EYS: variants seen among roughly 807,000 people sequenced by gnomAD.
EYS encodes protein eyes shut homolog.
Under a neutral mutation model 282.1 loss-of-function variants are expected in EYS, and 250 were observed. That is an observed-to-expected ratio of 0.89 (90% confidence interval 0.80 to 0.98). The LOEUF is 0.98. EYS is among the 50% of genes least tolerant of loss of function. The pLI, the probability that EYS is intolerant of heterozygous loss-of-function variation, is 0.00. For synonymous variants in EYS, 1,355 were observed against 1,282.9 expected (o/e 1.06, Z -1.20); for missense variants, 4,016 against 3,709.0 (o/e 1.08, Z -2.15).
intron 19 of EYS, among the ~76,000 whole-genome samples, chr6:64,841,841 C>T (rs1034216743): frequency 1.3e-5 from 2 of 152,058 alleles, no homozygotes; most frequent in Non-Finnish European, 2.9e-5. Flanking sequence ...TAATCATTCG[C>T]CAACACATCA....
intron 31 of EYS, among the ~76,000 whole-genome samples, chr6:64,131,699 A>C (rs1015465094): frequency 6.6e-6 from 1 of 152,184 alleles, no homozygotes; most frequent in Admixed American, 6.5e-5. Context: ...GTAAAGAAGT[A>C]GTCGCTTACA....
intron 12 of EYS, among the ~76,000 whole-genome samples, chr6:65,095,735 A>G (rs2150180560): frequency 6.6e-6 from 1 of 150,848 alleles, no homozygotes; most frequent in South Asian, 2.1e-4. Context: ...AAAGCATTTG[A>G]CTAAATTCAG....
intron 35 of EYS, among the ~76,000 whole-genome samples, chr6:63,935,144 T>C (rs1348181921): frequency 3.3e-5 from 5 of 152,180 alleles, no homozygotes; most frequent in Admixed American, 3.3e-4. Flanking sequence ...TTTTGAGTAG[T>C]TTTTCTGGCT....
intron 31 of EYS, among the ~76,000 whole-genome samples, chr6:64,138,793 G>A (rs1281897371): frequency 2.0e-5 from 3 of 152,188 alleles, no homozygotes; most frequent in African/African-American, 7.2e-5. Flanking sequence ...GAGGTTGACT[G>A]CTTCAAGTTA....
At chr6:65,160,904 T>A (rs1581968132) in intron 12 of EYS, among the ~76,000 whole-genome samples, 1 of 138,780 alleles carries the variant, frequency 7.2e-6, no homozygotes, top group South Asian at 2.2e-4. Context: ...TTTACTGACA[T>A]CTGAGGCCTC....
At chr6:64,821,587 G>T (rs1450127408) in intron 21 of EYS, 58 bp downstream of exon 21, 4 of 900,076 alleles carry the variant, frequency 4.4e-6, no homozygotes, top group South Asian at 3.3e-5. Context: ...CAAGCAATTT[G>T]ATTTTTCTTT....
intron 32 of EYS, among the ~76,000 whole-genome samples, chr6:64,073,288 TA>T (rs1771655486): frequency 1.3e-5 from 2 of 151,792 alleles, no homozygotes; most frequent in South Asian, 4.1e-4. Context: ...CATATGATGG[TA>T]GGTGGGAAAG....
chr6:65,148,288 G>C (rs574102998), intron 12 of EYS, among the ~76,000 whole-genome samples: 1 of 152,098 alleles, frequency 6.6e-6, no homozygotes, highest in African/African-American at 2.4e-5. Flanking sequence ...TGGTACAATG[G>C]GGGTACAGGC....
chr6:64,432,838 T>A (rs988636547), intron 28 of EYS, among the ~76,000 whole-genome samples: 5 of 152,072 alleles, frequency 3.3e-5, no homozygotes, highest in Admixed American at 6.6e-5. Context: ...TTCTGCCTTC[T>A]AACTTTACTG....
intron 1 of EYS, among the ~76,000 whole-genome samples, chr6:65,643,769 A>G (rs9363410): frequency 0.4 from 60,630 of 151,864 alleles, 14,596 homozygotes; most frequent in Non-Finnish European, 0.53. Context: ...CTCCAGTACC[A>G]GCCCAGAGCT....
At chr6:63,785,321 C>T (rs563653240) in intron 39 of EYS, among the ~76,000 whole-genome samples, 34 of 152,272 alleles carry the variant, frequency 2.2e-4, no homozygotes, top group Admixed American at 7.8e-4. Context: ...TCACTTGTGG[C>T]CTAACCAGTT....
chr6:65,112,594 T>C (rs1775243692), intron 12 of EYS, among the ~76,000 whole-genome samples: 1 of 152,196 alleles, frequency 6.6e-6, no homozygotes, highest in Non-Finnish European at 1.5e-5. Context: ...TGTGAATTCC[T>C]GTATGCTTAC....
At chr6:65,597,424 C>T (rs888103902) in intron 2 of EYS, among the ~76,000 whole-genome samples, 4 of 152,114 alleles carry the variant, frequency 2.6e-5, no homozygotes, top group Admixed American at 1.3e-4. Context: ...CCTTTAGCCA[C>T]TCCCAGTGTA....
chr6:64,845,460 T>C (rs868559869), intron 19 of EYS, among the ~76,000 whole-genome samples: 7 of 152,124 alleles, frequency 4.6e-5, no homozygotes, highest in Admixed American at 2.0e-4. Flanking sequence ...AATCCTATCA[T>C]TGATAGCACA....
chr6:64,095,090 C>T (rs929997310), intron 31 of EYS, among the ~76,000 whole-genome samples: 4 of 152,078 alleles, frequency 2.6e-5, no homozygotes, highest in African/African-American at 9.7e-5. Context: ...ATCCTGAGTT[C>T]TAGTTTGATT....
chr6:65,109,067 A>G (rs1214583922), intron 12 of EYS, among the ~76,000 whole-genome samples: 1 of 151,664 alleles, frequency 6.6e-6, no homozygotes, highest in African/African-American at 2.4e-5. Flanking sequence ...GAGATTTCCT[A>G]TTACTCTGCT....
intron 2 of EYS, among the ~76,000 whole-genome samples, chr6:65,556,392 T>TGTGTGA (rs1768802547): frequency 7.4e-6 from 1 of 135,596 alleles, no homozygotes; most frequent in African/African-American, 3.6e-5. Flanking sequence ...TGGGTTTGTG[T>TGTGTGA]GTGTGTGTGT....
At chr6:65,125,407 G>A (rs1237494264) in intron 12 of EYS, among the ~76,000 whole-genome samples, 1 of 152,098 alleles carries the variant, frequency 6.6e-6, no homozygotes, top group Non-Finnish European at 1.5e-5. Context: ...CTGCCCATTT[G>A]CAGTTGTTTA....
At chr6:63,986,630 C>G (rs1265698920) in intron 34 of EYS, among the ~76,000 whole-genome samples, 2 of 151,694 alleles carry the variant, frequency 1.3e-5, no homozygotes, top group Admixed American at 1.3e-4. Context: ...TTTGTGGACA[C>G]ATGGATGGAG....
Sources: allele counts gnomAD v4.1 joint callset (sites outside exome capture counted in the v4.1 genomes callset), GRCh38; gene constraint gnomAD v4.1.1; transcripts MANE v1.5; gene names NCBI Gene and HGNC (gene_info 2026-07-23, HGNC 2026-07-21).